The following RNF168 variants were observed in gnomAD, a reference collection of about 807,000 sequenced individuals.
RNF168 encodes the protein E3 ubiquitin-protein ligase RNF168.
In RNF168, 34 loss-of-function variants were observed where a neutral mutation model predicts 34.9. The ratio of observed to expected loss-of-function variants is 0.97; its 90% CI spans 0.74 to 1.30. RNF168 has a LOEUF of 1.30. Ranked by LOEUF, RNF168 falls within the 50% of genes most tolerant of loss-of-function variation. RNF168 has a pLI of 0.00. For missense variants in RNF168, 725 were observed against 682.5 expected, an observed-to-expected ratio of 1.06 and a Z score of -0.69; for synonymous variants, 264 against 254.7, an observed-to-expected ratio of 1.04 and a Z score of -0.35.
rs988258669 is a variant in RNF168, at chr3:196,471,523, G to C, written c.*296C>G. ...CCATAAAACATGCAGTTTTTGGAAA[G>C]ACAATGGCACTTGAAGATTTCCTGG... On this transcript the variant is annotated 3_prime_UTR_variant, in exon 6 of 6. Coordinates refer to ENST00000318037, the MANE Select transcript of RNF168 (RefSeq NM_152617.4). The C allele has an allele frequency of 8.6e-6, 3 of 349,934 alleles. No homozygotes were observed. The highest frequency in any genetic ancestry group is 6.2e-5 in the African/African-American group (3 of 48,344). 21.7% of individuals were successfully genotyped at this position (349,934 alleles called of 1,614,324 possible).
At chr3:196,488,462 A>T (rs1016016016) in intron 2 of RNF168, 145 bp downstream of exon 2, 4 of 529,986 alleles carry the variant, frequency 7.5e-6, no homozygotes, top group African/African-American at 2.1e-5. Context: ...AGCCTGGGTG[A>T]CAGAGTGAGA....
At chr3:196,481,210 C>T (rs1331050556) in intron 4 of RNF168, among the ~76,000 whole-genome samples, 6 of 152,104 alleles carry the variant, frequency 3.9e-5, no homozygotes, top group African/African-American at 1.4e-4. Context: ...ACTGTGCAGA[C>T]TAAACTCTCC....
Position 196,470,803 on chromosome 3 carries a change from G to A in RNF168, c.*1016C>T, listed in dbSNP as rs1731979409. On this transcript the variant is annotated 3_prime_UTR_variant, in exon 6 of 6. Coordinates refer to ENST00000318037, the MANE Select transcript of RNF168 (RefSeq NM_152617.4). ...CTCTTAACTCCTTCTGCATAGTTCA[G>A]TTTCCTTTCTGGCAACTAATTCCCA... The A allele has an allele frequency of 6.6e-6, 1 of 152,342 alleles. No homozygotes were observed. 9.4% of individuals were successfully genotyped at this position (152,342 alleles called of 1,614,324 possible).
chr3:196,501,769 C>G (rs1184146945), intron 1 of RNF168, among the ~76,000 whole-genome samples: 1 of 152,032 alleles, frequency 6.6e-6, no homozygotes, highest in Non-Finnish European at 1.5e-5. Flanking sequence ...AAATTGCACA[C>G]TTTTAAACAT....
intron 3 of RNF168, among the ~76,000 whole-genome samples, chr3:196,486,081 C>T (rs1232790865): frequency 6.6e-6 from 1 of 152,210 alleles, no homozygotes; most frequent in Non-Finnish European, 1.5e-5. Flanking sequence ...TTTTATCACA[C>T]ACCATTTAAT....
At chr3:196,473,408 A>G (rs1238960710) in intron 5 of RNF168, among the ~76,000 whole-genome samples, 1 of 152,266 alleles carries the variant, frequency 6.6e-6, no homozygotes, top group Non-Finnish European at 1.5e-5. Flanking sequence ...TCTATAATAC[A>G]GTAAATAATA....
chr3:196,471,579 A>T lies in RNF168; in HGVS notation c.*240T>A. ...GCCAAAGCTTAAGATATCTCTAAGA[A>T]TTGTAAAGCTTAATACACATCTGTT... On this transcript the variant is annotated 3_prime_UTR_variant, in exon 6 of 6. Transcript: ENST00000318037. 1 of 473,362 alleles carries T rather than the reference A, an allele frequency of 2.1e-6. No homozygotes were observed. The highest frequency in any genetic ancestry group is 3.8e-6 in the Non-Finnish European group (1 of 261,958). The allele number at this position is 473,362 out of a possible 1,614,324, so 29.3% of individuals were successfully genotyped here.
At chr3:196,493,555 C>T (rs764490081) in intron 1 of RNF168, among the ~76,000 whole-genome samples, 13 of 151,410 alleles carry the variant, frequency 8.6e-5, no homozygotes, top group East Asian at 5.8e-4. Flanking sequence ...GACGGAGTTT[C>T]GCTCTTGTTG....
rs770529242 is a variant in RNF168 at position 196,472,309 on chromosome 3, TTTC to T, written c.1223_1225del (p.Arg408del). The T allele has an allele frequency of 3.1e-6, 5 of 1,614,100 alleles. No homozygotes were observed. In the Middle Eastern group the frequency reaches 4.9e-4, roughly 160 times the overall value. On this transcript the variant is annotated inframe_deletion, in exon 6 of 6. Transcript: ENST00000318037. ...ATCTGGGGAAGATTCGGGGGACACT[TTTC>T]TTCTTTTTGCAGAAAAGCATGGATC... is the stretch of plus-strand genomic sequence containing the variant.
At chr3:196,476,148 C>T (rs955539436) in intron 4 of RNF168, among the ~76,000 whole-genome samples, 1 of 152,134 alleles carries the variant, frequency 6.6e-6, no homozygotes, top group Non-Finnish European at 1.5e-5. Context: ...CCGTGAGCCA[C>T]TGCGCCCAGC....
chr3:196,483,736 G>A (rs1297947583), intron 4 of RNF168, 34 bp downstream of exon 4: 1 of 1,580,978 alleles, frequency 6.3e-7, no homozygotes, highest in East Asian at 2.2e-5. Context: ...TACAGTAGGA[G>A]GTCAACAAAT....
chr3:196,487,620 T>TA, intron 2 of RNF168, 42 bp from the exon 3 acceptor site: 1 of 1,548,146 alleles, frequency 6.5e-7, no homozygotes, highest in East Asian at 2.2e-5. Flanking sequence ...TCTGAACGTT[T>TA]TGGTATACTT....
chr3:196,473,392 T>C lies in RNF168; in HGVS notation c.763-620A>G, dbSNP rs769512932. On this transcript the variant is annotated intron_variant, in intron 5 of 5. Transcript: ENST00000318037. The stretch of plus-strand genomic sequence containing the variant: ...GGTTCAAAAAAATGTGAGGTAATAA[T>C]GTGCATCTATAATACAGTAAATAAT... Among the ~76,000 whole-genome samples, 23 of 152,354 alleles carry C rather than the reference T, an allele frequency of 1.5e-4. No homozygotes were observed. The South Asian group carries it at 4.6e-3, about 30-fold the overall frequency.
At chr3:196,485,260 C>G (rs989794055) in intron 3 of RNF168, among the ~76,000 whole-genome samples, 1 of 152,122 alleles carries the variant, frequency 6.6e-6, no homozygotes, top group African/African-American at 2.4e-5. Context: ...GTAATCCCAG[C>G]ACTTTGGGAG....
Position 196,503,195 on chromosome 3 carries a change from A to G in RNF168, c.-22T>C. 2 of 1,609,954 alleles carry G rather than the reference A, an allele frequency of 1.2e-6. No homozygotes were observed. The highest frequency in any genetic ancestry group is 8.5e-7 in the Non-Finnish European group (1 of 1,176,308). On this transcript the variant is annotated 5_prime_UTR_variant, in exon 1 of 6. Coordinates refer to ENST00000318037, the MANE Select transcript of RNF168 (RefSeq NM_152617.4). Reference sequence around the variant, plus strand: ...CCATTTCAATATGTTAGTAAAGCCGACTAAACAACGACACCTGCACGAAAA... The same window carrying G: ...CCATTTCAATATGTTAGTAAAGCCGGCTAAACAACGACACCTGCACGAAAA...
At chr3:196,481,682 G>GGTTTTTTT (rs1577512919) in intron 4 of RNF168, among the ~76,000 whole-genome samples, 16 of 62,392 alleles carry the variant, frequency 2.6e-4, no homozygotes, top group African/African-American at 1.0e-3. Context: ...TTTCAGCTGC[G>GGTTTTTTT]TTTTTTTTTT....
intron 1 of RNF168, among the ~76,000 whole-genome samples, chr3:196,492,719 A>T (rs1344586915): frequency 2.0e-5 from 3 of 152,186 alleles, no homozygotes; most frequent in Admixed American, 6.5e-5. Context: ...CAGAGGTTGC[A>T]GTGAGCCAAG....
At chr3:196,484,472 CCTTTTTT>C (rs1174464174) in intron 3 of RNF168, among the ~76,000 whole-genome samples, 2 of 114,602 alleles carry the variant, frequency 1.7e-5, no homozygotes, top group Non-Finnish European at 3.5e-5. Context: ...CCGCGCCCGG[CCTTTTTT>C]TTTTTTTTTT....
chr3:196,503,139 G>A lies in RNF168; in HGVS notation c.35C>T (p.Ser12Phe). 6.2e-7 allele frequency: 1 copy of A among 1,614,164 alleles called. No homozygotes were observed. The highest frequency in any genetic ancestry group is 8.5e-7 in the Non-Finnish European group (1 of 1,180,016). ...CATGCAGATCCCGCACTGGCACTCG[G>A]ACAGCGAGGGGATGGCGTCTTTGGG... ...ALPKDAIPSL[S>F]ECQCGICMEI... The change falls in exon 1 of 6, where the codon TCC (serine) becomes TTC (phenylalanine). Residue 12 changes from serine (S) to phenylalanine (F), a missense_variant. Ser to Phe is a radical substitution (Grantham distance 155, BLOSUM62 -2). Coordinates refer to ENST00000318037, the MANE Select transcript of RNF168 (RefSeq NM_152617.4).
Sources: allele counts gnomAD v4.1 joint callset (sites outside exome capture counted in the v4.1 genomes callset), GRCh38; gene constraint gnomAD v4.1.1; transcripts MANE v1.5; gene names NCBI Gene and HGNC (gene_info 2026-07-23, HGNC 2026-07-21).